The following GARRE1 variants were observed in gnomAD, a reference collection of about 807,000 sequenced individuals.
The protein encoded by GARRE1 is granule associated Rac and RHOG effector protein 1.
In GARRE1, 49 loss-of-function variants were observed where a neutral mutation model predicts 103.2. That is an observed-to-expected ratio of 0.47 (90% confidence interval 0.38 to 0.60). The LOEUF is 0.60. GARRE1 is among the 20% of genes least tolerant of loss of function. GARRE1 has a pLI of 0.00. For synonymous variants in GARRE1, 505 were observed against 532.8 expected (o/e 0.95, Z 0.72); for missense variants, 1,199 against 1,370.5 (o/e 0.87, Z 1.98).
chr19:34,296,639 C>A, intron 1 of GARRE1: 1 of 1,090,448 alleles, frequency 9.2e-7, no homozygotes, highest in Non-Finnish European at 1.4e-6. Context: ...TGGGGTCCAT[C>A]CACTTAAGAG....
chr19:34,318,371 C>T (rs2074069555), intron 2 of GARRE1, among the ~76,000 whole-genome samples: 1 of 152,178 alleles, frequency 6.6e-6, no homozygotes, highest in Non-Finnish European at 1.5e-5. Context: ...AGTGCATGGG[C>T]ACTGTGCTGG....
At chr19:34,325,633 CCT>C (rs1467912799) in intron 3 of GARRE1, among the ~76,000 whole-genome samples, 1 of 152,192 alleles carries the variant, frequency 6.6e-6, no homozygotes, top group Non-Finnish European at 1.5e-5. Context: ...TTCTCCCCTC[CCT>C]GTCTTGCTCG....
chr19:34,352,718 C>T lies in GARRE1; in HGVS notation c.2976C>T (p.Pro992=). The change falls in exon 14 of 14, where the codon CCC becomes CCT. Residue 992 remains proline, a synonymous_variant. Coordinates refer to ENST00000299505, the MANE Select transcript of GARRE1 (RefSeq NM_014686.5). ...QHPSPLPSTL[P]SPSAPLYAVT... ...CTTCCCCGCTTCCCAGCACGCTGCC[C>T]AGCCCCAGCGCACCACTCTATGCAG... 1.2e-6 allele frequency: 2 copies of T among 1,614,104 alleles called. No homozygotes were observed. The highest frequency in any genetic ancestry group is 1.7e-6 in the Non-Finnish European group (2 of 1,180,008).
chr19:34,343,302 A>G (rs1281701875), intron 10 of GARRE1, among the ~76,000 whole-genome samples: 1 of 151,930 alleles, frequency 6.6e-6, no homozygotes, highest in East Asian at 1.9e-4. Flanking sequence ...TAAAAATTAA[A>G]CAAAATTAGC....
chr19:34,344,590 CAA>C (rs556583085), intron 10 of GARRE1, among the ~76,000 whole-genome samples: 15 of 75,186 alleles, frequency 2.0e-4, no homozygotes, highest in Admixed American at 6.1e-4. Context: ...GACTCCGTCT[CAA>C]AAAAAAAAAA....
At chr19:34,344,961 C>T (rs1482108383) in intron 10 of GARRE1, among the ~76,000 whole-genome samples, 1 of 152,172 alleles carries the variant, frequency 6.6e-6, no homozygotes, top group African/African-American at 2.4e-5. Context: ...GCCTCAGCCT[C>T]CTGAGTAGCT....
chr19:34,320,078 G>A lies in GARRE1; in HGVS notation c.667G>A (p.Val223Ile), dbSNP rs1568305497. 1.9e-6 allele frequency: 3 copies of A among 1,614,230 alleles called. No homozygotes were observed. Among genetic ancestry groups the A allele is most frequent in the African/African-American group, 2.7e-5 (2 of 75,064 alleles). Residue 223 changes from valine to isoleucine, a missense_variant, in exon 3 of 14, where the codon GTA becomes ATA. By Grantham distance (29) the Val-to-Ile change is conservative. Coordinates refer to ENST00000299505, the MANE Select transcript of GARRE1 (RefSeq NM_014686.5). ...GLSGMGHTPEVEEAVRSWRGA... is the reference protein window; with the variant it reads ...GLSGMGHTPEIEEAVRSWRGA... Reference sequence around the variant, plus strand: ...ATCTGGCATGGGCCACACACCTGAAGTAGAGGAAGCTGTGCGGTCCTGGCG... The same window carrying A: ...ATCTGGCATGGGCCACACACCTGAAATAGAGGAAGCTGTGCGGTCCTGGCG...
chr19:34,279,369 G>A lies in GARRE1; in HGVS notation c.-795-20310G>A, dbSNP rs144522168. On this transcript the variant is annotated intron_variant, in intron 1 of 13. Coordinates refer to ENST00000299505, the MANE Select transcript of GARRE1 (RefSeq NM_014686.5). The stretch of plus-strand genomic sequence containing the variant: ...AGGCTGGAGTTCAGTGGCCCATTGC[G>A]ATCTCGGCTCACTGCAACCTGTGCT... Among the ~76,000 whole-genome samples the A allele has an allele frequency of 4.4e-3, 676 of 151,910 alleles. 3 individuals are homozygous for A. Among genetic ancestry groups the A allele is most frequent in the Non-Finnish European group, 6.5e-3 (444 of 67,944 alleles).
chr19:34,303,179 A>G (rs922738882), intron 2 of GARRE1, among the ~76,000 whole-genome samples: 3 of 152,148 alleles, frequency 2.0e-5, no homozygotes, highest in African/African-American at 7.2e-5. Context: ...TTCAACTTTG[A>G]TCTCTTATAT....
Position 34,285,828 on chromosome 19 carries a change from A to G in GARRE1, c.-795-13851A>G, listed in dbSNP as rs201450757. ...TGACATTTTAAAAAAATTCAACACTATCTAGTTTTGATTACAACAAAGATC... is the reference window on the plus strand; with the variant it reads ...TGACATTTTAAAAAAATTCAACACTGTCTAGTTTTGATTACAACAAAGATC... On this transcript the variant is annotated intron_variant, in intron 1 of 13. Coordinates refer to ENST00000299505, the MANE Select transcript of GARRE1 (RefSeq NM_014686.5). Among the ~76,000 whole-genome samples, 11 of 152,240 alleles carry G rather than the reference A, an allele frequency of 7.2e-5. No homozygotes were observed. In the East Asian group the frequency reaches 7.7e-4, roughly 11 times the overall value.
chr19:34,287,947 G>A (rs983706151), intron 1 of GARRE1, among the ~76,000 whole-genome samples: 3 of 152,184 alleles, frequency 2.0e-5, no homozygotes, highest in Non-Finnish European at 4.4e-5. Context: ...TAACACAGGT[G>A]CACCCTTAGT....
At chr19:34,351,413 C>T (rs1458930934) in intron 12 of GARRE1, 101 bp from the exon 13 acceptor site, 4 of 923,940 alleles carry the variant, frequency 4.3e-6, no homozygotes, top group Non-Finnish European at 5.3e-6. Context: ...CCTCCTAGAA[C>T]CAGGGCCTGG....
chr19:34,286,162 A>G (rs1365833641), intron 1 of GARRE1, among the ~76,000 whole-genome samples: 2 of 152,216 alleles, frequency 1.3e-5, no homozygotes, highest in Non-Finnish European at 2.9e-5. Context: ...AAAACAAACA[A>G]ACAAACAAAA....
At chr19:34,331,466 C>T (rs1036385092) in intron 7 of GARRE1, among the ~76,000 whole-genome samples, 1 of 152,156 alleles carries the variant, frequency 6.6e-6, no homozygotes, top group Non-Finnish European at 1.5e-5. Context: ...AAGTAGTACC[C>T]CCATCCAGTC....
At chr19:34,299,568 TATG>T (rs2073965785) in intron 1 of GARRE1, 108 bp from the exon 2 acceptor site, 1 of 152,258 alleles carries the variant, frequency 6.6e-6, no homozygotes. Context: ...AAGGTTATAA[TATG>T]ATTTCTTATT....
chr19:34,301,513 C>CAAA (rs57777660), intron 2 of GARRE1, among the ~76,000 whole-genome samples: 2 of 85,386 alleles, frequency 2.3e-5, no homozygotes, highest in African/African-American at 4.7e-5. Flanking sequence ...GACCATGTCT[C>CAAA]AAAAAAAAAA....
intron 2 of GARRE1, among the ~76,000 whole-genome samples, chr19:34,317,098 A>C (rs1420019040): frequency 3.9e-5 from 6 of 152,188 alleles, no homozygotes; most frequent in Admixed American, 3.3e-4. Flanking sequence ...TTTGCCCCTT[A>C]GTAGGGGAGG....
At chr19:34,323,580 T>C (rs568638938) in intron 3 of GARRE1, among the ~76,000 whole-genome samples, 1 of 152,306 alleles carries the variant, frequency 6.6e-6, no homozygotes, top group East Asian at 1.9e-4. Context: ...AGGCTGTGTG[T>C]GGGGGTGGGA....
At chr19:34,290,425 C>T (rs1309386643) in intron 1 of GARRE1, among the ~76,000 whole-genome samples, 1 of 152,256 alleles carries the variant, frequency 6.6e-6, no homozygotes, top group South Asian at 2.1e-4. Flanking sequence ...TTAGCCTTGC[C>T]TACCTGAAAT....
Sources: allele counts gnomAD v4.1 joint callset (sites outside exome capture counted in the v4.1 genomes callset), GRCh38; gene constraint gnomAD v4.1.1; transcripts MANE v1.5; gene names NCBI Gene and HGNC (gene_info 2026-07-23, HGNC 2026-07-21).